KCNQ3: variants seen among roughly 807,000 people sequenced by gnomAD.
The protein encoded by KCNQ3 is potassium voltage-gated channel subfamily Q member 3.
Under a neutral mutation model 92.5 loss-of-function variants are expected in KCNQ3, and 30 were observed. That is an observed-to-expected ratio of 0.32 (90% CI 0.24 to 0.44). KCNQ3 has a LOEUF of 0.44. Among genes scored for constraint, KCNQ3 ranks in the 20% least tolerant of loss-of-function variants. The probability of loss-of-function intolerance (pLI) is 1.00; values close to 1 mark genes in which losing one functional copy is unlikely to be tolerated. For missense variants in KCNQ3, 913 were observed against 1,140.3 expected (o/e 0.80, Z 2.87); for synonymous variants, 450 against 468.8 (o/e 0.96, Z 0.52).
chr8:132,187,355 C>T, intron 1 of KCNQ3: 1 of 433,058 alleles, frequency 2.3e-6, no homozygotes, highest in Non-Finnish European at 4.7e-6. Context: ...ACCATAAGGA[C>T]CATGATGTAA....
At chr8:132,354,931 C>T (rs1818977024) in intron 1 of KCNQ3, among the ~76,000 whole-genome samples, 2 of 152,148 alleles carry the variant, frequency 1.3e-5, no homozygotes, top group South Asian at 4.1e-4. Context: ...GTTCAACATC[C>T]CAGCAGCCTT....
intron 1 of KCNQ3, among the ~76,000 whole-genome samples, chr8:132,408,756 C>CAAGGGCTGTATAGTAGCA (rs1375611257): frequency 6.6e-6 from 1 of 152,184 alleles, no homozygotes; most frequent in East Asian, 1.9e-4. Context: ...CATGTAACCA[C>CAAGGGCTGTATAGTAGCA]AAGGGCTGTA....
chr8:132,199,400 A>G (rs1177088955), intron 1 of KCNQ3, among the ~76,000 whole-genome samples: 1 of 152,246 alleles, frequency 6.6e-6, no homozygotes, highest in African/African-American at 2.4e-5. Context: ...TAAGTGTGAG[A>G]TACTATAAAC....
At chr8:132,313,105 G>A (rs1817642943) in intron 1 of KCNQ3, among the ~76,000 whole-genome samples, 1 of 152,194 alleles carries the variant, frequency 6.6e-6, no homozygotes, top group South Asian at 2.1e-4. Context: ...ACGTAACCCT[G>A]CCTGTTGGCA....
intron 1 of KCNQ3, among the ~76,000 whole-genome samples, chr8:132,335,029 G>C (rs1563865315): frequency 1.4e-5 from 2 of 138,980 alleles, no homozygotes; most frequent in African/African-American, 5.5e-5. Flanking sequence ...TTCCTTCCTT[G>C]TTTTCTTTTC....
At chr8:132,457,810 G>A (rs1418786404) in intron 1 of KCNQ3, among the ~76,000 whole-genome samples, 1 of 152,150 alleles carries the variant, frequency 6.6e-6, no homozygotes, top group African/African-American at 2.4e-5. Context: ...GTGGGCTGGT[G>A]GGGCAAGACA....
rs781058299 is a variant in KCNQ3 at position 132,303,565 on chromosome 8, G to GAT, written c.387-117386_387-117385dup. The stretch of plus-strand genomic sequence containing the variant: ...ACTTGTGATCAGATAAAGAAAATGT[G>GAT]ATATATATATATATGGTGTGTGTGT... On this transcript the variant is annotated intron_variant, in intron 1 of 14. Coordinates refer to ENST00000388996, the MANE Select transcript of KCNQ3 (RefSeq NM_004519.4). Among the ~76,000 whole-genome samples, 33 of 42,552 alleles carry GAT rather than the reference G, an allele frequency of 7.8e-4. 10 individuals are homozygous for GAT. The highest frequency in any genetic ancestry group is 1.3e-3 in the African/African-American group (14 of 10,632). The allele number at this position is 42,552 out of a possible 152,430, so 27.9% of individuals were successfully genotyped here. A position where few individuals can be genotyped will look rare whatever the true frequency, so the allele number is the denominator to read the frequency against.
At chr8:132,408,766 A>G (rs921154639) in intron 1 of KCNQ3, among the ~76,000 whole-genome samples, 4 of 152,212 alleles carry the variant, frequency 2.6e-5, no homozygotes, top group Admixed American at 2.6e-4. Flanking sequence ...CAAGGGCTGT[A>G]TAGTAGCAAA....
At chr8:132,209,623 T>C (rs1247097296) in intron 1 of KCNQ3, among the ~76,000 whole-genome samples, 2 of 152,134 alleles carry the variant, frequency 1.3e-5, no homozygotes, top group African/African-American at 2.4e-5. Flanking sequence ...ACTTTATAAT[T>C]ATGTGAAAGT....
intron 1 of KCNQ3, among the ~76,000 whole-genome samples, chr8:132,224,527 A>C (rs1267774901): frequency 6.6e-6 from 1 of 152,064 alleles, no homozygotes; most frequent in African/African-American, 2.4e-5. Context: ...CACTGGTGAG[A>C]TCTGACTCAC....
At chr8:132,436,320 A>C (rs1332070361) in intron 1 of KCNQ3, among the ~76,000 whole-genome samples, 1 of 152,220 alleles carries the variant, frequency 6.6e-6, no homozygotes, top group Non-Finnish European at 1.5e-5. Context: ...AAGATGCTAT[A>C]AAATTTTTTA....
chr8:132,167,137 T>G (rs1826165592), intron 8 of KCNQ3, among the ~76,000 whole-genome samples: 1 of 152,086 alleles, frequency 6.6e-6, no homozygotes, highest in Admixed American at 6.5e-5. Flanking sequence ...AAATGAAACT[T>G]GAAAACATTA....
At chr8:132,282,255 C>T (rs949188355) in intron 1 of KCNQ3, among the ~76,000 whole-genome samples, 1 of 152,158 alleles carries the variant, frequency 6.6e-6, no homozygotes, top group Non-Finnish European at 1.5e-5. Context: ...ATGAGATGAT[C>T]CTCTGAGAGT....
At position 132,128,946 on chromosome 8, in the gene KCNQ3, A is replaced by G. The variant is rs1480390244; in HGVS notation, c.*316T>C. On this transcript the variant is annotated 3_prime_UTR_variant, in exon 15 of 15. Coordinates refer to ENST00000388996, the MANE Select transcript of KCNQ3 (RefSeq NM_004519.4). ...ACCAAACAGACAAATAGCATGGCTC[A>G]TCAGTAATTTCTCCCTGTACTGGTC... 6.3e-5 allele frequency: 21 copies of G among 333,252 alleles called. No homozygotes were observed. In the East Asian group the frequency reaches 1.1e-3, roughly 18 times the overall value. 20.6% of individuals were successfully genotyped at this position (333,252 alleles called of 1,614,324 possible). A position where few individuals can be genotyped will look rare whatever the true frequency, so the allele number is the denominator to read the frequency against.
intron 1 of KCNQ3, among the ~76,000 whole-genome samples, chr8:132,253,275 C>T (rs2130447168): frequency 6.6e-6 from 1 of 152,306 alleles, no homozygotes; most frequent in East Asian, 1.9e-4. Context: ...GGCACTACTC[C>T]TGGCTCTACA....
intron 1 of KCNQ3, among the ~76,000 whole-genome samples, chr8:132,281,632 T>C (rs1356856811): frequency 6.6e-6 from 1 of 152,012 alleles, no homozygotes; most frequent in Non-Finnish European, 1.5e-5. Flanking sequence ...GGTTTCCACA[T>C]GGACAACTAT....
At chr8:132,174,218 T>A in intron 6 of KCNQ3, 21 bp downstream of exon 6, 1 of 1,515,072 alleles carries the variant, frequency 6.6e-7, no homozygotes. Context: ...ATTGGGGATG[T>A]CATATATCAA....
At position 132,315,413 on chromosome 8, in the gene KCNQ3, G is replaced by A. The variant is rs552131904; in HGVS notation, c.387-129232C>T. ...TAGGGTCACTACTGGAGATGAATTC[G>A]GGGAGCAGAAGGGATAATGGTTAGG... On this transcript the variant is annotated intron_variant, in intron 1 of 14. Transcript: ENST00000388996. Among the ~76,000 whole-genome samples, 7 of 152,112 alleles carry A rather than the reference G, an allele frequency of 4.6e-5. No individual in the cohort carries two copies. The South Asian group carries it at 1.2e-3, about 27-fold the overall frequency.
chr8:132,187,065 T>C (rs1826993619), intron 1 of KCNQ3: 6 of 410,000 alleles, frequency 1.5e-5, no homozygotes, highest in Admixed American at 2.9e-5. Context: ...TTTGGCTTAG[T>C]TGTCAGTACC....
Sources: allele counts gnomAD v4.1 joint callset (sites outside exome capture counted in the v4.1 genomes callset), GRCh38; gene constraint gnomAD v4.1.1; transcripts MANE v1.5; gene names NCBI Gene and HGNC (gene_info 2026-07-23, HGNC 2026-07-21).